The following CBLB variants were observed in gnomAD, a reference collection of about 807,000 sequenced individuals.
CBLB encodes the protein E3 ubiquitin-protein ligase CBL-B.
Under a neutral mutation model 104.9 loss-of-function variants are expected in CBLB, and 31 were observed. That is an observed-to-expected ratio of 0.30 (90% CI 0.22 to 0.40). CBLB has a LOEUF of 0.40. Ranked by LOEUF, CBLB falls within the 10% of genes least tolerant of loss-of-function variation. The pLI, the probability that CBLB is intolerant of heterozygous loss-of-function variation, is 1.00. For synonymous variants in CBLB, 440 were observed against 422.6 expected, an observed-to-expected ratio of 1.04 and a Z score of -0.51; for missense variants, 1,062 against 1,214.6, an observed-to-expected ratio of 0.87 and a Z score of 1.87.
At chr3:105,828,257 C>T (rs950733654) in intron 3 of CBLB, among the ~76,000 whole-genome samples, 14 of 152,178 alleles carry the variant, frequency 9.2e-5, no homozygotes, top group Non-Finnish European at 4.4e-5. Flanking sequence ...AAAACTTGCT[C>T]ACAGGGCCAC....
chr3:105,675,206 T>C (rs963432671), intron 17 of CBLB, among the ~76,000 whole-genome samples: 2 of 152,196 alleles, frequency 1.3e-5, no homozygotes, highest in Admixed American at 6.5e-5. Context: ...AGAAAAGATG[T>C]ATCATTACAC....
At chr3:105,745,013 G>GA (rs1274097716) in intron 6 of CBLB, among the ~76,000 whole-genome samples, 4 of 151,512 alleles carry the variant, frequency 2.6e-5, no homozygotes, top group East Asian at 1.9e-4. Context: ...AATGATACTA[G>GA]AAAAAAAAGG....
intron 17 of CBLB, chr3:105,671,226 T>C (rs566307777): frequency 3.0e-5 from 6 of 202,178 alleles, no homozygotes; most frequent in Non-Finnish European, 6.1e-5. Flanking sequence ...AAACATTACA[T>C]CTGAAAACCT....
intron 14 of CBLB, 100 bp downstream of exon 14, chr3:105,685,220 A>C: frequency 9.5e-7 from 1 of 1,054,070 alleles, no homozygotes; most frequent in Non-Finnish European, 1.5e-6. Context: ...CTGGAAATTA[A>C]GGATTTTTAA....
chr3:105,756,160 T>C (rs57757681), intron 4 of CBLB, among the ~76,000 whole-genome samples: 1,941 of 152,288 alleles, frequency 0.013, 44 homozygotes, highest in African/African-American at 0.043. Flanking sequence ...TTTAAATGTA[T>C]ATAATCGTAG....
intron 4 of CBLB, among the ~76,000 whole-genome samples, chr3:105,759,370 G>A (rs894164723): frequency 6.6e-6 from 1 of 152,192 alleles, no homozygotes; most frequent in Non-Finnish European, 1.5e-5. Context: ...GCCCGGCCCT[G>A]AGGCTGTAGG....
chr3:105,745,840 GACTT>G (rs1247301682), intron 6 of CBLB, 73 bp downstream of exon 6: 2 of 1,383,678 alleles, frequency 1.4e-6, no homozygotes, highest in Non-Finnish European at 1.0e-6. Flanking sequence ...GGGTATTGCT[GACTT>G]ACTTAGGAAC....
chr3:105,862,780 C>G (rs1047693579), intron 2 of CBLB, among the ~76,000 whole-genome samples: 62 of 152,104 alleles, frequency 4.1e-4, no homozygotes, highest in Non-Finnish European at 7.2e-4. Flanking sequence ...CCCTCTCTTA[C>G]TCAACAATCT....
At chr3:105,695,199 A>C (rs1173330759) in intron 12 of CBLB, among the ~76,000 whole-genome samples, 1 of 151,860 alleles carries the variant, frequency 6.6e-6, no homozygotes, top group Non-Finnish European at 1.5e-5. Flanking sequence ...TTTTAGGACA[A>C]AGCATCCAAC....
intron 9 of CBLB, among the ~76,000 whole-genome samples, chr3:105,724,832 T>A (rs2152836883): frequency 6.6e-6 from 1 of 152,314 alleles, no homozygotes; most frequent in South Asian, 2.1e-4. Context: ...TTAATTCATT[T>A]AATCCTATAA....
chr3:105,659,325 T>C (rs754685201), intron 18 of CBLB, 96 bp from the exon 19 acceptor site: 3 of 1,240,202 alleles, frequency 2.4e-6, no homozygotes, highest in East Asian at 2.4e-5. Context: ...TATGGAAATA[T>C]TATTTCTTGT....
chr3:105,674,883 AAAG>A (rs1484986813), intron 17 of CBLB, among the ~76,000 whole-genome samples: 4 of 152,156 alleles, frequency 2.6e-5, no homozygotes, highest in African/African-American at 9.7e-5. Context: ...AAAAGAGATA[AAAG>A]AAGAATGAGA....
At chr3:105,809,705 C>T (rs1171442497) in intron 3 of CBLB, among the ~76,000 whole-genome samples, 2 of 152,194 alleles carry the variant, frequency 1.3e-5, no homozygotes, top group Non-Finnish European at 2.9e-5. Flanking sequence ...AGCTGCCAAA[C>T]ACTGTTCTTA....
chr3:105,659,787 T>A (rs538513871), intron 18 of CBLB, among the ~76,000 whole-genome samples: 1 of 152,118 alleles, frequency 6.6e-6, no homozygotes, highest in Non-Finnish European at 1.5e-5. Context: ...ATTTTTCAAG[T>A]TAATAATCTG....
At chr3:105,829,867 T>C (rs573739792) in intron 3 of CBLB, among the ~76,000 whole-genome samples, 1 of 152,142 alleles carries the variant, frequency 6.6e-6, no homozygotes, top group African/African-American at 2.4e-5. Context: ...ATAAGAAGTG[T>C]AAATCATCTA....
intron 6 of CBLB, among the ~76,000 whole-genome samples, chr3:105,740,873 A>G (rs3213928): frequency 0.068 from 10,414 of 152,230 alleles, 514 homozygotes; most frequent in Admixed American, 0.15. Flanking sequence ...AAGAAAATAA[A>G]CAAGATTGTA....
chr3:105,754,029 G>A (rs1299002880), intron 4 of CBLB, among the ~76,000 whole-genome samples: 1 of 152,096 alleles, frequency 6.6e-6, no homozygotes, highest in Non-Finnish European at 1.5e-5. Context: ...TAGGGATTAG[G>A]GAGCCAGGGC....
chr3:105,744,929 AAAAACAAAGC>A (rs2075961638), intron 6 of CBLB, among the ~76,000 whole-genome samples: 1 of 152,220 alleles, frequency 6.6e-6, no homozygotes, highest in Admixed American at 6.5e-5. Flanking sequence ...ACTCCATCTC[AAAAACAAAGC>A]AAAACAAAAC....
At chr3:105,833,880 C>T (rs185546637) in intron 3 of CBLB, among the ~76,000 whole-genome samples, 13 of 151,738 alleles carry the variant, frequency 8.6e-5, no homozygotes, top group African/African-American at 2.9e-4. Context: ...GAATTAGAAC[C>T]TGATAATTAA....
Sources: gnomAD v4.1 joint callset for allele counts (sites outside exome capture counted in the v4.1 genomes callset) on GRCh38, gnomAD v4.1.1 for gene constraint, MANE v1.5 for transcripts, NCBI Gene and HGNC (gene_info 2026-07-23, HGNC 2026-07-21) for gene names.